Variants in MAX observed in about 807,000 individuals in gnomAD.
The protein encoded by MAX is protein max.
A neutral mutation model predicts 22.3 loss-of-function variants in MAX; 3 were observed. That is an observed-to-expected ratio of 0.13 (90% CI 0.06 to 0.35). The LOEUF (loss-of-function observed/expected upper bound fraction) is 0.35. Ranked by LOEUF, MAX falls within the 10% of genes least tolerant of loss-of-function variation. The probability of loss-of-function intolerance (pLI) is 1.00; values close to 1 mark genes in which losing one functional copy is unlikely to be tolerated. For synonymous variants in MAX, 72 were observed against 77.7 expected, an observed-to-expected ratio of 0.93 and a Z score of 0.39; for missense variants, 119 against 209.4, an observed-to-expected ratio of 0.57 and a Z score of 2.66.
intron 3 of MAX, among the ~76,000 whole-genome samples, chr14:65,051,903 T>C (rs1309483602): frequency 1.3e-5 from 2 of 151,810 alleles, no homozygotes; most frequent in Admixed American, 6.6e-5. Flanking sequence ...CACGCCATTC[T>C]CCTGCCTCAG....
At chr14:65,024,226 A>G (rs1252305879) in intron 3 of MAX, among the ~76,000 whole-genome samples, 1 of 152,220 alleles carries the variant, frequency 6.6e-6, no homozygotes, top group Non-Finnish European at 1.5e-5. Context: ...TACCTGGCTG[A>G]ACATTGGAAT....
At position 65,093,813 on chromosome 14, in the gene MAX, A is replaced by G. The variant is rs1566622633; in HGVS notation, c.66T>C (p.Ala22=). The G allele has an allele frequency of 1.3e-6, 2 of 1,555,436 alleles. No individual in the cohort carries two copies. The highest frequency in any genetic ancestry group is 1.8e-6 in the Non-Finnish European group (2 of 1,126,368). ...GTGCATTATGATGAGCCCGTTTGTC[A>G]GCCTAGAAGAATGGGAGAAAGAACA... The part of the protein sequence containing the change: ...DEEQPRFQSA[A]DKRAHHNALE... Residue 22 remains alanine, a splice_region_variant and synonymous_variant, in exon 3 of 5, where the codon GCT becomes GCC. Coordinates refer to ENST00000358664, the MANE Select transcript of MAX (RefSeq NM_002382.5). This position sits in a 1 kb window ranked among gnomAD's most constrained non-coding sequence, Gnocchi z 4.4.
rs1248546434 is a variant in MAX, at chr14:65,054,490, C to A, written c.171+39218G>T. ...GGATGGGGGGGGACGTGTGATTGCA[C>A]CAGTGGTCTCTGAATTGGTGTGGCT... On this transcript the variant is annotated intron_variant, in intron 3 of 3. Coordinates refer to the MAX transcript ENST00000341653. This position sits in a 1 kb window ranked among gnomAD's most constrained non-coding sequence, Gnocchi z 4.4. 3 of 1,356,466 alleles carry A rather than the reference C, an allele frequency of 2.2e-6. No individual in the cohort carries two copies. The highest frequency in any genetic ancestry group is 3.1e-6 in the Non-Finnish European group (3 of 978,948). The allele number at this position is 1,356,466 out of a possible 1,614,324, so 84.0% of individuals were successfully genotyped here.
chr14:65,082,710 T>C lies in MAX; in HGVS notation c.172-4674A>G, dbSNP rs976091314. Among the ~76,000 whole-genome samples the C allele has an allele frequency of 2.7e-5, 4 of 149,374 alleles. No homozygotes were observed. The highest frequency in any genetic ancestry group is 9.9e-5 in the African/African-American group (4 of 40,292). On this transcript the variant is annotated intron_variant, in intron 3 of 4. Transcript: ENST00000358664. The surrounding 1 kb of genome is among the most constrained non-coding windows in gnomAD (Gnocchi z 4.8). ...TGAGCCCATGGGGCTGAAGCTGCAG[T>C]GAGACAGGCTTGTGCCAACACACTC...
intron 3 of MAX, among the ~76,000 whole-genome samples, chr14:65,068,154 A>T (rs924094363): frequency 1.3e-5 from 2 of 152,092 alleles, no homozygotes; most frequent in Non-Finnish European, 2.9e-5. Flanking sequence ...CACGCTTAAG[A>T]AGTGGGGAGG....
chr14:65,021,592 A>G (rs1276726801), intron 3 of MAX, among the ~76,000 whole-genome samples: 1 of 152,112 alleles, frequency 6.6e-6, no homozygotes, highest in Non-Finnish European at 1.5e-5. Context: ...CGGTCCCTGC[A>G]CCAAAGAATT....
intron 3 of MAX, chr14:65,040,878 A>G (rs915456962): frequency 6.2e-7 from 1 of 1,613,978 alleles, no homozygotes; most frequent in African/African-American, 1.3e-5. Context: ...CGCGCTGGTA[A>G]TCCTCAAGAG....
At chr14:65,037,757 T>TTTA (rs1197393816) in intron 3 of MAX, among the ~76,000 whole-genome samples, 76 of 128,602 alleles carry the variant, frequency 5.9e-4, no homozygotes, top group African/African-American at 2.2e-3. Flanking sequence ...TATTTATTTA[T>TTTA]TTATTTATTT....
In MAX at chr14:65,077,292, A is replaced by ATTTAT. The variant is rs1365435799; in HGVS notation, c.295+616_295+620dup. 3.5e-5 allele frequency: 46 copies of ATTTAT among 1,302,852 alleles called. No individual in the cohort carries two copies. The highest frequency in any genetic ancestry group is 7.5e-5 in the East Asian group (3 of 40,058). 80.7% of individuals were successfully genotyped at this position (1,302,852 alleles called of 1,614,324 possible). A position where few individuals can be genotyped will look rare whatever the true frequency, so the allele number is the denominator to read the frequency against. ...TGAGCCTGGAAGGTCAACCCATTTA[A>ATTTAT]TTTATTTTATTTTATTTTATTTGAG... is the stretch of plus-strand genomic sequence containing the variant. On this transcript the variant is annotated intron_variant, in intron 4 of 4. Transcript: ENST00000358664. This position sits in a 1 kb window ranked among gnomAD's most constrained non-coding sequence, Gnocchi z 6.3.
rs370877018 is a variant in MAX at position 65,047,871 on chromosome 14, C to G, written c.172-41587G>C. ...TGGAGCAGTGCCTGGGCACACAGCCCGAGATGTACACAGCTTTTCCTGGAA... is the reference window on the plus strand; with the variant it reads ...TGGAGCAGTGCCTGGGCACACAGCCGGAGATGTACACAGCTTTTCCTGGAA... On this transcript the variant is annotated intron_variant, in intron 3 of 3. Transcript: ENST00000341653. The surrounding 1 kb of genome is among the most constrained non-coding windows in gnomAD (Gnocchi z 5.2). Among the ~76,000 whole-genome samples the G allele has an allele frequency of 6.6e-6, 1 of 152,002 alleles. No individual in the cohort carries two copies. Among genetic ancestry groups the G allele is most frequent in the Non-Finnish European group, 1.5e-5 (1 of 68,030 alleles).
intron 3 of MAX, among the ~76,000 whole-genome samples, chr14:65,065,864 T>C (rs1195075665): frequency 1.3e-5 from 2 of 152,064 alleles, no homozygotes; most frequent in East Asian, 1.9e-4. Flanking sequence ...CCTTGTAAGG[T>C]GGGTGAAGCA....
chr14:65,040,768 G>C (rs767024921), intron 3 of MAX: 7 of 1,608,870 alleles, frequency 4.4e-6, no homozygotes, highest in Admixed American at 1.7e-5. Flanking sequence ...CACTCATTCT[G>C]CTTTTCTCAA....
At chr14:65,071,165 G>T (rs1238961537), downstream of MAX, among the ~76,000 whole-genome samples, 2 of 151,486 alleles carry the variant, frequency 1.3e-5, no homozygotes, top group Non-Finnish European at 2.9e-5. This position sits in a 1 kb window ranked among gnomAD's most constrained non-coding sequence, Gnocchi z 4.2. Flanking sequence ...TTTCTGAGAA[G>T]GAGTCTTGCT....
chr14:65,044,951 A>G lies in MAX; in HGVS notation c.172-38667T>C, dbSNP rs529158632. On this transcript the variant is annotated intron_variant, in intron 3 of 3. Coordinates refer to the MAX transcript ENST00000341653. This position sits in a 1 kb window ranked among gnomAD's most constrained non-coding sequence, Gnocchi z 5.5. ...ATGGAGAAGAGACTCGCCGTGTCTG[A>G]CTGGCTGCAGAGTTGTCACTATTAG... Among the ~76,000 whole-genome samples, 54 of 152,162 alleles carry G rather than the reference A, an allele frequency of 3.5e-4. 1 individual carries two copies. Among genetic ancestry groups the G allele is most frequent in the Non-Finnish European group, 2.4e-4 (16 of 68,020 alleles).
chr14:65,080,261 G>C (rs1360800359), intron 3 of MAX, among the ~76,000 whole-genome samples: 1 of 152,240 alleles, frequency 6.6e-6, no homozygotes, highest in African/African-American at 2.4e-5. Flanking sequence ...TGGGGAAAAA[G>C]TGAGATGCGT....
In MAX at chr14:65,054,534, G is replaced by A. The variant is rs774742173; in HGVS notation, c.171+39174C>T. 8.3e-6 allele frequency: 13 copies of A among 1,573,482 alleles called. No individual in the cohort carries two copies. The highest frequency in any genetic ancestry group is 4.6e-5 in the South Asian group (4 of 87,432). ...TGTGGCTACATTTGTAGATGTGTGC[G>A]GAGCAGAGGAGCGCCTGCTCAGAGC... On this transcript the variant is annotated intron_variant, in intron 3 of 3. Coordinates refer to the MAX transcript ENST00000341653. This position sits in a 1 kb window ranked among gnomAD's most constrained non-coding sequence, Gnocchi z 4.4.
At position 65,101,578 on chromosome 14, in the gene MAX, A is replaced by G. The variant is rs1389763236; in HGVS notation, c.37-6T>C. On this transcript the variant is annotated splice_polypyrimidine_tract_variant and splice_region_variant and intron_variant, in intron 1 of 4. Coordinates refer to ENST00000358664, the MANE Select transcript of MAX (RefSeq NM_002382.5). ...TGAAACCTCGGTTGCTCTTCCTGGA[A>G]TAAGAGAGAAAAAAAAAAATAGAAA... 1.3e-6 allele frequency: 2 copies of G among 1,596,568 alleles called. No homozygotes were observed. The highest frequency in any genetic ancestry group is 1.3e-5 in the African/African-American group (1 of 74,372).
intron 3 of MAX, among the ~76,000 whole-genome samples, chr14:65,068,673 G>C (rs7152277): frequency 0.49 from 74,665 of 151,942 alleles, 20,776 homozygotes; most frequent in African/African-American, 0.78. Flanking sequence ...TCCTTTGTCT[G>C]TTTAACAGAC....
chr14:65,050,466 C>T (rs759287697), intron 3 of MAX, among the ~76,000 whole-genome samples: 87 of 152,072 alleles, frequency 5.7e-4, no homozygotes, highest in Non-Finnish European at 1.1e-3. Context: ...GGGCTTGTAC[C>T]TGTAATCCAA....
Sources: allele counts gnomAD v4.1 joint callset (sites outside exome capture counted in the v4.1 genomes callset), GRCh38; gene constraint gnomAD v4.1.1; non-coding constraint Gnocchi (gnomAD v3.1); transcripts MANE v1.5; gene names NCBI Gene and HGNC (gene_info 2026-07-23, HGNC 2026-07-21).